Variants in LOC128706665 observed in about 807,000 individuals in gnomAD.
the LOC128706665 span, chr20:10,431,579 A>G: frequency 6.6e-6 from 1 of 151,312 alleles, no homozygotes; most frequent in Non-Finnish European, 1.5e-5. Context: ...AACCCGCACA[A>G]AAAACTGCAT....
chr20:10,424,293 C>T, the LOC128706665 span, among the ~76,000 whole-genome samples: 4 of 151,938 alleles, frequency 2.6e-5, no homozygotes, highest in African/African-American at 9.7e-5. Context: ...CAGTGGCTCA[C>T]ACCTGTTACC....
At chr20:10,419,545 T>C in the LOC128706665 span, among the ~76,000 whole-genome samples, 2 of 152,170 alleles carry the variant, frequency 1.3e-5, no homozygotes, top group South Asian at 2.1e-4. Context: ...AAACTACATA[T>C]AGCACTAAAC....
At chr20:10,424,416 T>A in the LOC128706665 span, among the ~76,000 whole-genome samples, 1 of 152,054 alleles carries the variant, frequency 6.6e-6, no homozygotes, top group African/African-American at 2.4e-5. Context: ...CATATATTTT[T>A]AAAAAATGAC....
At chr20:10,422,165 T>A in the LOC128706665 span, among the ~76,000 whole-genome samples, 1 of 152,194 alleles carries the variant, frequency 6.6e-6, no homozygotes, top group Non-Finnish European at 1.5e-5. Flanking sequence ...CATGTTATTC[T>A]TAGCATTATA....
the LOC128706665 span, among the ~76,000 whole-genome samples, chr20:10,427,827 A>C: frequency 3.9e-5 from 6 of 152,234 alleles, no homozygotes; most frequent in Non-Finnish European, 8.8e-5. Context: ...CCCATGGATC[A>C]TAATTGAGTT....
At chr20:10,425,321 A>C in the LOC128706665 span, among the ~76,000 whole-genome samples, 2 of 152,222 alleles carry the variant, frequency 1.3e-5, no homozygotes, top group African/African-American at 4.8e-5. Flanking sequence ...TCTGTGATTG[A>C]AAGAAATTTG....
chr20:10,418,241 A>C, the LOC128706665 span, among the ~76,000 whole-genome samples: 20,900 of 152,206 alleles, frequency 0.14, 1,572 homozygotes, highest in East Asian at 0.24. Context: ...AGATGGATAA[A>C]AGAAGACTGG....
At chr20:10,428,983 C>T in the LOC128706665 span, among the ~76,000 whole-genome samples, 1 of 152,188 alleles carries the variant, frequency 6.6e-6, no homozygotes, top group African/African-American at 2.4e-5. Context: ...TCCAACCTTC[C>T]ACTCTTAAGG....
the LOC128706665 span, among the ~76,000 whole-genome samples, chr20:10,426,592 T>C: frequency 6.6e-6 from 1 of 152,082 alleles, no homozygotes. Flanking sequence ...AGAGACGGGG[T>C]TTCACCATGT....
At chr20:10,416,130 G>A in the LOC128706665 span, among the ~76,000 whole-genome samples, 1 of 151,918 alleles carries the variant, frequency 6.6e-6, no homozygotes, top group Non-Finnish European at 1.5e-5. Context: ...ACTATTCTTG[G>A]ATGCACGGGC....
At chr20:10,414,265 C>CTTTTTTT in the LOC128706665 span, among the ~76,000 whole-genome samples, 3 of 132,350 alleles carry the variant, frequency 2.3e-5, no homozygotes, top group African/African-American at 5.7e-5. Context: ...GTCTCTGAGT[C>CTTTTTTT]TTTTTTTTTT....
At chr20:10,417,674 A>ACT in the LOC128706665 span, among the ~76,000 whole-genome samples, 1 of 151,160 alleles carries the variant, frequency 6.6e-6, no homozygotes, top group South Asian at 2.1e-4. Flanking sequence ...TTCTCTGTAA[A>ACT]AAAAAAAAAT....
chr20:10,424,286 T>G, the LOC128706665 span, among the ~76,000 whole-genome samples: 1 of 151,968 alleles, frequency 6.6e-6, no homozygotes, highest in African/African-American at 2.4e-5. Context: ...CCAGGCACAG[T>G]GGCTCACACC....
At chr20:10,426,351 G>A in the LOC128706665 span, among the ~76,000 whole-genome samples, 1 of 152,324 alleles carries the variant, frequency 6.6e-6, no homozygotes, top group Non-Finnish European at 1.5e-5. Flanking sequence ...AGGGCGTGAG[G>A]CACACCCTTG....
chr20:10,424,780 G>C, the LOC128706665 span, among the ~76,000 whole-genome samples: 1 of 152,054 alleles, frequency 6.6e-6, no homozygotes, highest in South Asian at 2.1e-4. Flanking sequence ...AGCAGGGCAC[G>C]GTGGCTCATG....
chr20:10,413,989 G>A, the LOC128706665 span: 1 of 397,208 alleles, frequency 2.5e-6, no homozygotes, highest in Non-Finnish European at 4.4e-6. Flanking sequence ...TTTGTAGACT[G>A]CAGTTTAATA....
At chr20:10,415,840 T>TTAAAATGA in the LOC128706665 span, among the ~76,000 whole-genome samples, 182 of 152,254 alleles carry the variant, frequency 1.2e-3, no homozygotes, top group Admixed American at 3.0e-3. Flanking sequence ...CCAGTACACA[T>TTAAAATGA]ATCTTTTGGC....
chr20:10,415,946 G>A, the LOC128706665 span, among the ~76,000 whole-genome samples: 1 of 151,506 alleles, frequency 6.6e-6, no homozygotes, highest in African/African-American at 2.4e-5. Context: ...GTGGTCACAG[G>A]TCTAGACCTG....
At chr20:10,426,550 C>A in the LOC128706665 span, among the ~76,000 whole-genome samples, 1 of 152,216 alleles carries the variant, frequency 6.6e-6, no homozygotes, top group African/African-American at 2.4e-5. Flanking sequence ...CAGGCCCACG[C>A]CACCATGCCC....
Sources: gnomAD v4.1 joint callset for allele counts (sites outside exome capture counted in the v4.1 genomes callset) on GRCh38, gnomAD v4.1.1 for gene constraint, MANE v1.5 for transcripts.